The following MRPS11 variants were observed in gnomAD, a reference collection of about 807,000 sequenced individuals.
MRPS11 encodes mitochondrial ribosomal protein S11.
MRPS11 carries 27 observed loss-of-function variants against 24.3 expected under a neutral mutation model. The ratio of observed to expected loss-of-function variants is 1.11; its 90% confidence interval spans 0.82 to 1.53. The LOEUF (loss-of-function observed/expected upper bound fraction) is 1.53, where lower values mean the gene tolerates loss of function less well. MRPS11 is among the 40% of genes most tolerant of loss of function. MRPS11 has a pLI of 0.00. For synonymous variants in MRPS11, 104 were observed against 98.7 expected (o/e 1.05, Z -0.32); for missense variants, 277 against 256.5 (o/e 1.08, Z -0.55).
In MRPS11 at chr15:88,467,724, G is replaced by A. The variant is rs199864572; in HGVS notation, c.7G>A (p.Ala3Thr). MQ[A>T]VRNAGSRFLR... ...ACTGGGGTCAATTCAAGTCATGCAGGCTGTGAGAAACGCGGGGTCGCGGTT... is the reference window on the plus strand; with the variant it reads ...ACTGGGGTCAATTCAAGTCATGCAGACTGTGAGAAACGCGGGGTCGCGGTT... The change falls in exon 1 of 6, where the codon GCT becomes ACT. Residue 3 changes from alanine (A) to threonine (T), a missense_variant. Physicochemically the swap from Ala to Thr is moderately conservative, Grantham distance 58. Coordinates refer to ENST00000325844, the MANE Select transcript of MRPS11 (RefSeq NM_022839.5). 564 of 1,614,124 alleles carry A rather than the reference G, an allele frequency of 3.5e-4. 6 individuals are homozygous for A. In the Admixed American group the frequency reaches 9.1e-3, roughly 26 times the overall value.
Position 88,475,053 on chromosome 15 carries a change from C to A in MRPS11, c.282-57C>A. 1 of 1,597,074 alleles carries A rather than the reference C, an allele frequency of 6.3e-7. No homozygotes were observed. The highest frequency in any genetic ancestry group is 2.2e-5 in the East Asian group (1 of 44,654). ...AGGCTTCTAGGGGCATAGATTAGCT[C>A]TCTCTTATTTCCCTGAAGAAGAGTT... is the stretch of plus-strand genomic sequence containing the variant. On this transcript the variant is annotated intron_variant, in intron 3 of 5. Transcript: ENST00000325844. This position sits in a 1 kb window ranked among gnomAD's most constrained non-coding sequence, Gnocchi z 4.1.
chr15:88,474,088 A>C (rs1220159241), intron 3 of MRPS11, among the ~76,000 whole-genome samples: 1 of 152,042 alleles, frequency 6.6e-6, no homozygotes, highest in Non-Finnish European at 1.5e-5. Flanking sequence ...AGGTGGGAGG[A>C]TGGCTTGAGC....
In MRPS11 at chr15:88,476,999, A is replaced by T. The variant is rs772639439; in HGVS notation, c.422A>T (p.Gln141Leu). The T allele has an allele frequency of 1.2e-6, 2 of 1,614,010 alleles. No homozygotes were observed. Among genetic ancestry groups the T allele is most frequent in the Non-Finnish European group, 1.7e-6 (2 of 1,179,974 alleles). Residue 141 changes from glutamine to leucine, a missense_variant, in exon 5 of 6, where the codon CAA (glutamine) becomes CTA (leucine). Physicochemically the swap from Gln to Leu is moderately radical, Grantham distance 113. Coordinates refer to ENST00000325844, the MANE Select transcript of MRPS11 (RefSeq NM_022839.5). ...TCTGCTTCTCTCCAGAGAGCTAAAC[A>T]AAAGGGCGTGATCCACATCCGAGTT... ...AGIAAAARAK[Q>L]KGVIHIRVVV...
intron 1 of MRPS11, 36 bp downstream of exon 1, chr15:88,467,818 C>A: frequency 6.2e-7 from 1 of 1,613,834 alleles, no homozygotes; most frequent in Non-Finnish European, 8.5e-7. Context: ...CCACCGCCAC[C>A]TCCAGGACTA....
chr15:88,470,963 A>G (rs566851213), intron 2 of MRPS11, among the ~76,000 whole-genome samples: 2 of 152,336 alleles, frequency 1.3e-5, no homozygotes, highest in South Asian at 4.1e-4. Flanking sequence ...AGGGGAAAAA[A>G]CAAGTGATAC....
In MRPS11 at chr15:88,477,311, C is replaced by G. The variant is rs940099293; in HGVS notation, c.477+257C>G. 6.6e-6 allele frequency among the ~76,000 whole-genome samples: 1 copy of G among 152,226 alleles called. No homozygotes were observed. Among genetic ancestry groups the G allele is most frequent in the Non-Finnish European group, 1.5e-5 (1 of 68,040 alleles). On this transcript the variant is annotated intron_variant, in intron 5 of 5. Transcript: ENST00000325844. This position sits in a 1 kb window ranked among gnomAD's most constrained non-coding sequence, Gnocchi z 5.7. ...GGAAGGTGGTTCCTGGGGGAACTGTCACAAACAAATCCCTTAGGACAGACT... is the reference window on the plus strand; with the variant it reads ...GGAAGGTGGTTCCTGGGGGAACTGTGACAAACAAATCCCTTAGGACAGACT...
At position 88,472,731 on chromosome 15, in the gene MRPS11, T is replaced by G. The variant is rs748134570; in HGVS notation, c.281+6T>G. ...ATTAAAGCATCCCACAACAAGTAAG[T>G]GGGAAGGGAAACACTGGGCAGGTCT... is the stretch of plus-strand genomic sequence containing the variant. On this transcript the variant is annotated splice_donor_region_variant and intron_variant, in intron 3 of 5. Transcript: ENST00000325844. The G allele has an allele frequency of 6.2e-7, 1 of 1,608,828 alleles. No homozygotes were observed. Among genetic ancestry groups the G allele is most frequent in the Non-Finnish European group, 8.5e-7 (1 of 1,175,882 alleles).
Position 88,480,682 on chromosome 15 carries a change from T to A in MRPS11, c.*2703T>A, listed in dbSNP as rs2055913568. 1 of 152,186 alleles carries A rather than the reference T, an allele frequency of 6.6e-6. No homozygotes were observed. The highest frequency in any genetic ancestry group is 1.9e-4 in the East Asian group (1 of 5,164). The allele number at this position is 152,186 out of a possible 1,614,324, so 9.4% of individuals were successfully genotyped here. Reference sequence around the variant, plus strand: ...TTTGGGGAGGCCGCCTTGTTGACTGTGCACTGGAAAATGCACATTGCTTTA... The same window carrying A: ...TTTGGGGAGGCCGCCTTGTTGACTGAGCACTGGAAAATGCACATTGCTTTA... On this transcript the variant is annotated 3_prime_UTR_variant, in exon 6 of 6. Transcript: ENST00000325844. This position sits in a 1 kb window ranked among gnomAD's most constrained non-coding sequence, Gnocchi z 5.1.
In MRPS11 at chr15:88,478,098, GGA is replaced by G; in HGVS notation, c.*123_*124del. 1 of 798,988 alleles carries G rather than the reference GGA, an allele frequency of 1.3e-6. No individual in the cohort carries two copies. Among genetic ancestry groups the G allele is most frequent in the Non-Finnish European group, 2.1e-6 (1 of 482,936 alleles). 49.5% of individuals were successfully genotyped at this position (798,988 alleles called of 1,614,324 possible). On this transcript the variant is annotated 3_prime_UTR_variant, in exon 6 of 6. Transcript: ENST00000325844. This position sits in a 1 kb window ranked among gnomAD's most constrained non-coding sequence, Gnocchi z 4.7. The stretch of plus-strand genomic sequence containing the variant: ...TGTTGGAGATCCTTCAGGCAGTAAG[GGA>G]GAGTTTTGCCTCCTTACACAGTGGC...
At chr15:88,470,184 G>A (rs1039874361) in intron 2 of MRPS11, among the ~76,000 whole-genome samples, 2 of 152,112 alleles carry the variant, frequency 1.3e-5, no homozygotes, top group South Asian at 2.1e-4. Context: ...GTGTGGTGGC[G>A]TGGGTCTATA....
chr15:88,477,000 A>T lies in MRPS11; in HGVS notation c.423A>T (p.Gln141His). The change falls in exon 5 of 6, where the codon CAA (glutamine) becomes CAT (histidine). Residue 141 changes from glutamine to histidine, a missense_variant. Transcript: ENST00000325844. ...CTGCTTCTCTCCAGAGAGCTAAACA[A>T]AAGGGCGTGATCCACATCCGAGTTG... ...AGIAAAARAK[Q>H]KGVIHIRVVV... 6.2e-7 allele frequency: 1 copy of T among 1,614,032 alleles called. No homozygotes were observed. Among genetic ancestry groups the T allele is most frequent in the Middle Eastern group, 1.6e-4 (1 of 6,062 alleles).
chr15:88,474,102 G>A (rs1007894113), intron 3 of MRPS11, among the ~76,000 whole-genome samples: 1 of 152,112 alleles, frequency 6.6e-6, no homozygotes, highest in Admixed American at 6.5e-5. Flanking sequence ...CTTGAGCCCA[G>A]GAGTTGGAGG....
In MRPS11 at chr15:88,478,061, C is replaced by A. The variant is rs553982619; in HGVS notation, c.*82C>A. On this transcript the variant is annotated 3_prime_UTR_variant, in exon 6 of 6. Transcript: ENST00000325844. The surrounding 1 kb of genome is among the most constrained non-coding windows in gnomAD (Gnocchi z 4.7). ...GTAAAATGCTCCCTGTCAGAGCTCT[C>A]CAGAATATGCTTGTTGGAGATCCTT... is the stretch of plus-strand genomic sequence containing the variant. 3.6e-6 allele frequency: 4 copies of A among 1,107,578 alleles called. No homozygotes were observed. The highest frequency in any genetic ancestry group is 5.5e-6 in the Non-Finnish European group (4 of 729,174). The allele number at this position is 1,107,578 out of a possible 1,614,324, so 68.6% of individuals were successfully genotyped here. A position where few individuals can be genotyped will look rare whatever the true frequency, so the allele number is the denominator to read the frequency against.
rs2055833431 is a variant in MRPS11, at chr15:88,476,908, C to A, written c.412-81C>A. 2.1e-6 allele frequency: 3 copies of A among 1,413,126 alleles called. No individual in the cohort carries two copies. The South Asian group carries it at 3.7e-5, about 17-fold the overall frequency. 87.5% of individuals were successfully genotyped at this position (1,413,126 alleles called of 1,614,324 possible). Reference sequence around the variant, plus strand: ...TGCCCTTTCCCTGAGCTCACACACCCCTTGCTCTAGGAGGCAGTAGCAAGA... The same window carrying A: ...TGCCCTTTCCCTGAGCTCACACACCACTTGCTCTAGGAGGCAGTAGCAAGA... On this transcript the variant is annotated intron_variant, in intron 4 of 5. Coordinates refer to ENST00000325844, the MANE Select transcript of MRPS11 (RefSeq NM_022839.5).
At chr15:88,471,666 C>G (rs180773519) in intron 2 of MRPS11, among the ~76,000 whole-genome samples, 3 of 152,234 alleles carry the variant, frequency 2.0e-5, no homozygotes, top group Non-Finnish European at 4.4e-5. Context: ...TCCTTATTTT[C>G]CTTAAGGATT....
intron 2 of MRPS11, chr15:88,468,452 G>A (rs1331093091): frequency 2.9e-6 from 3 of 1,019,548 alleles, no homozygotes; most frequent in Admixed American, 1.0e-4. Context: ...CCTAGGAACT[G>A]GCATCTTGCT....
intron 4 of MRPS11, 67 bp from the exon 5 acceptor site, chr15:88,476,922 G>A (rs1338897564): frequency 3.8e-5 from 58 of 1,506,714 alleles, no homozygotes; most frequent in Non-Finnish European, 4.9e-5. Flanking sequence ...GCTCTAGGAG[G>A]CAGTAGCAAG....
chr15:88,468,219 G>A (rs2055596037), intron 2 of MRPS11, 195 bp downstream of exon 2: 1 of 1,427,738 alleles, frequency 7.0e-7, no homozygotes, highest in Non-Finnish European at 9.2e-7. Context: ...AATCAGATGA[G>A]CCGTGGTACA....
In MRPS11 at chr15:88,477,968, C is replaced by G. The variant is rs147829843; in HGVS notation, c.574C>G (p.Arg192Gly). 5 of 1,614,086 alleles carry G rather than the reference C, an allele frequency of 3.1e-6. No homozygotes were observed. In the East Asian group the frequency reaches 8.9e-5, roughly 29 times the overall value. The stretch of plus-strand genomic sequence containing the variant: ...CAACGGCTGCCGCCCCAGGAAGGCT[C>G]GGAAGCTGTGATGGGAAGGAGGCCT... ...PHNGCRPRKA[R>G]KL Residue 192 changes from arginine (R) to glycine (G), a missense_variant, in exon 6 of 6, where the codon CGG becomes GGG. Arg to Gly is a moderately radical substitution (Grantham distance 125). Transcript: ENST00000325844. The surrounding 1 kb of genome is among the most constrained non-coding windows in gnomAD (Gnocchi z 5.7).
Sources: allele counts gnomAD v4.1 joint callset (sites outside exome capture counted in the v4.1 genomes callset), GRCh38; gene constraint gnomAD v4.1.1; non-coding constraint Gnocchi (gnomAD v3.1); transcripts MANE v1.5; gene names NCBI Gene and HGNC (gene_info 2026-07-23, HGNC 2026-07-21).